SHTN1: variants seen among roughly 807,000 people sequenced by gnomAD.
SHTN1 encodes the protein shootin 1.
SHTN1 carries 42 observed loss-of-function variants against 83.1 expected under a neutral mutation model. The observed-to-expected ratio is 0.51, with a 90% CI of 0.39 to 0.65. The LOEUF (loss-of-function observed/expected upper bound fraction) is 0.65, where lower values mean the gene tolerates loss of function less well. Ranked by LOEUF, SHTN1 falls within the 30% of genes least tolerant of loss-of-function variation. The pLI is 0.00. For synonymous variants in SHTN1, 224 were observed against 247.7 expected (o/e 0.90, Z 0.90); for missense variants, 622 against 737.8 (o/e 0.84, Z 1.82).
chr10:117,078,917 T>A (rs1853206844), intron 1 of SHTN1, among the ~76,000 whole-genome samples: 1 of 152,166 alleles, frequency 6.6e-6, no homozygotes, highest in Admixed American at 6.5e-5. Context: ...AGTCCATAAT[T>A]ATCCTTACAA....
chr10:116,950,059 T>C (rs961302275), intron 6 of SHTN1, among the ~76,000 whole-genome samples: 3 of 152,158 alleles, frequency 2.0e-5, no homozygotes, highest in African/African-American at 7.2e-5. Flanking sequence ...TTAGGGAAAC[T>C]GGGCAGGGAG....
intron 8 of SHTN1, among the ~76,000 whole-genome samples, chr10:116,943,196 A>G (rs1849449848): frequency 1.3e-5 from 2 of 152,174 alleles, no homozygotes; most frequent in African/African-American, 4.8e-5. Flanking sequence ...TATTGTTTCC[A>G]CCAACCACTA....
At position 116,881,615 on chromosome 10, in the gene SHTN1, C is replaced by T. The variant is rs972890279; in HGVS notation, c.*4729G>A. On this transcript the variant is annotated 3_prime_UTR_variant, in exon 17 of 17. Transcript: ENST00000355371. The stretch of plus-strand genomic sequence containing the variant: ...CGGCTAGGGAGCCGCTGGTGCCCAC[C>T]TTCCCCACACAAGGTGTAGAGGAAT... 2 of 1,550,342 alleles carry T rather than the reference C, an allele frequency of 1.3e-6. No homozygotes were observed. The highest frequency in any genetic ancestry group is 1.4e-5 in the African/African-American group (1 of 73,056).
intron 15 of SHTN1, among the ~76,000 whole-genome samples, chr10:116,903,283 A>T (rs190994992): frequency 1.3e-5 from 2 of 152,250 alleles, no homozygotes; most frequent in Non-Finnish European, 2.9e-5. Context: ...CTGTAATCCC[A>T]GCACTTTGAG....
chr10:117,055,235 G>C (rs925913623), intron 1 of SHTN1, among the ~76,000 whole-genome samples: 15 of 152,130 alleles, frequency 9.9e-5, no homozygotes, highest in African/African-American at 3.1e-4. Context: ...CCTGACACAT[G>C]GGGATTACAA....
chr10:117,032,149 G>A (rs1852424759), intron 2 of SHTN1, among the ~76,000 whole-genome samples: 1 of 152,166 alleles, frequency 6.6e-6, no homozygotes, highest in South Asian at 2.1e-4. Flanking sequence ...TGTAAGAACA[G>A]ACAAAGACGG....
chr10:116,995,439 G>T lies in SHTN1; in HGVS notation c.58+9583C>A, dbSNP rs189318930. ...TTAGGACTTTATTAGAAACACTACT[G>T]ATTCTTTTATTTTCCAGATTTAGGA... On this transcript the variant is annotated intron_variant, in intron 1 of 16. Transcript: ENST00000355371. Among the ~76,000 whole-genome samples, 9 of 152,216 alleles carry T rather than the reference G, an allele frequency of 5.9e-5. No homozygotes were observed. In the East Asian group the frequency reaches 1.7e-3, roughly 29 times the overall value.
chr10:116,892,676 C>T (rs528856765), intron 16 of SHTN1, among the ~76,000 whole-genome samples: 80 of 152,054 alleles, frequency 5.3e-4, no homozygotes, highest in African/African-American at 1.7e-3. Flanking sequence ...CTTTTAAGAT[C>T]GAAAGTCACA....
intron 2 of SHTN1, among the ~76,000 whole-genome samples, chr10:117,030,756 C>A (rs1852403353): frequency 6.6e-6 from 1 of 151,514 alleles, no homozygotes; most frequent in South Asian, 2.1e-4. Flanking sequence ...ATTGATCAAG[C>A]AGAAGAAAGA....
At chr10:116,975,240 T>C (rs529490875) in intron 2 of SHTN1, among the ~76,000 whole-genome samples, 6 of 152,196 alleles carry the variant, frequency 3.9e-5, no homozygotes, top group Non-Finnish European at 8.8e-5. Flanking sequence ...GCTTGATAAA[T>C]GTGATACATA....
At chr10:117,075,707 G>A (rs1011602052) in intron 1 of SHTN1, among the ~76,000 whole-genome samples, 2 of 152,132 alleles carry the variant, frequency 1.3e-5, no homozygotes, top group African/African-American at 4.8e-5. Context: ...CCTGAAGGAA[G>A]AATAGAAATT....
At chr10:117,106,718 C>T (rs1484387652) in intron 1 of SHTN1, among the ~76,000 whole-genome samples, 4 of 152,150 alleles carry the variant, frequency 2.6e-5, no homozygotes, top group African/African-American at 7.2e-5. Flanking sequence ...CTCACTTCTA[C>T]TATTTCTTTC....
At chr10:117,044,220 T>C (rs1852628742) in intron 2 of SHTN1, among the ~76,000 whole-genome samples, 1 of 152,202 alleles carries the variant, frequency 6.6e-6, no homozygotes, top group South Asian at 2.1e-4. Context: ...GAAATGTTAA[T>C]ACATATTCTT....
chr10:116,958,797 T>C (rs1349716979), intron 4 of SHTN1, among the ~76,000 whole-genome samples: 2 of 152,208 alleles, frequency 1.3e-5, no homozygotes, highest in Non-Finnish European at 2.9e-5. Flanking sequence ...TAAGATGAGA[T>C]ACTACACTCC....
intron 11 of SHTN1, among the ~76,000 whole-genome samples, chr10:116,922,926 A>G (rs886689444): frequency 2.8e-4 from 42 of 152,134 alleles, no homozygotes; most frequent in Non-Finnish European, 4.9e-4. Context: ...AGATCACACC[A>G]TTGCACTCCA....
intron 1 of SHTN1, among the ~76,000 whole-genome samples, chr10:116,993,022 T>TC (rs1218933531): frequency 1.4e-5 from 2 of 142,874 alleles, no homozygotes; most frequent in South Asian, 2.3e-4. Flanking sequence ...TTTTTCTTTT[T>TC]TTTTTTTTTT....
intron 1 of SHTN1, among the ~76,000 whole-genome samples, chr10:117,100,609 C>G (rs1853576236): frequency 6.6e-6 from 1 of 152,098 alleles, no homozygotes. Context: ...GATTGGTGGA[C>G]AGTGCCACAG....
At chr10:116,953,473 T>C in intron 5 of SHTN1, among the ~76,000 whole-genome samples, 1 of 152,124 alleles carries the variant, frequency 6.6e-6, no homozygotes, top group East Asian at 1.9e-4. Flanking sequence ...TTATATACCC[T>C]ATGGTGATTT....
intron 1 of SHTN1, among the ~76,000 whole-genome samples, chr10:116,984,741 G>A (rs1851165319): frequency 1.3e-5 from 2 of 152,150 alleles, no homozygotes; most frequent in Admixed American, 1.3e-4. Flanking sequence ...TCTATCCCAA[G>A]GGCATTCTTT....
Sources: gnomAD v4.1 joint callset for allele counts (sites outside exome capture counted in the v4.1 genomes callset) on GRCh38, gnomAD v4.1.1 for gene constraint, MANE v1.5 for transcripts, NCBI Gene and HGNC (gene_info 2026-07-23, HGNC 2026-07-21) for gene names.